The following SH2B3 variants were observed in gnomAD, a reference collection of about 807,000 sequenced individuals.
SH2B3 encodes the protein SH2B adapter protein 3.
Under a neutral mutation model 51.9 loss-of-function variants are expected in SH2B3, and 43 were observed. The ratio of observed to expected loss-of-function variants is 0.83; its 90% CI spans 0.65 to 1.07. The LOEUF (loss-of-function observed/expected upper bound fraction) is 1.07. Among genes scored for constraint, SH2B3 ranks in the 50% least tolerant of loss-of-function variants. SH2B3 has a pLI of 0.00. For synonymous variants in SH2B3, 396 were observed against 376.0 expected (o/e 1.05, Z -0.62); for missense variants, 952 against 834.3 (o/e 1.14, Z -1.74).
At chr12:111,405,908 G>T (rs868119397), upstream of SH2B3, 8 of 151,902 alleles carry the variant, frequency 5.3e-5, no homozygotes, top group African/African-American at 1.9e-4. This position sits in a 1 kb window ranked among gnomAD's most constrained non-coding sequence, Gnocchi z 5.4. Flanking sequence ...CCGCTCGCAC[G>T]GCCGGTTCCT....
intron 2 of SH2B3, among the ~76,000 whole-genome samples, chr12:111,423,692 A>C (rs1441441259): frequency 1.3e-5 from 2 of 152,178 alleles, no homozygotes; most frequent in Non-Finnish European, 2.9e-5. Flanking sequence ...TTTGAAAAAC[A>C]ACCTCAGTGG....
Position 111,410,551 on chromosome 12 carries a change from G to A in SH2B3, c.-28+4274G>A, listed in dbSNP as rs1870618154. Among the ~76,000 whole-genome samples the A allele has an allele frequency of 6.6e-6, 1 of 152,194 alleles. No individual in the cohort carries two copies. Among genetic ancestry groups the A allele is most frequent in the African/African-American group, 2.4e-5 (1 of 41,450 alleles). On this transcript the variant is annotated intron_variant, in intron 1 of 7. Transcript: ENST00000341259. The surrounding 1 kb of genome is among the most constrained non-coding windows in gnomAD (Gnocchi z 4.9). ...TCCCTACCTCCTGAAACCTAGCTGGGGCGGTGGCTGGGATGTCAGGCTGGC... is the reference window on the plus strand; with the variant it reads ...TCCCTACCTCCTGAAACCTAGCTGGAGCGGTGGCTGGGATGTCAGGCTGGC...
rs1593060279 is a variant in SH2B3 at position 111,434,912 on chromosome 12, C to G, written c.733-11841C>G. ...GGAGCTCAGAAGGACATGGGATTCC[C>G]GGTGCTGTGCCGTGGCTGGAGGAGG... is the stretch of plus-strand genomic sequence containing the variant. On this transcript the variant is annotated intron_variant, in intron 2 of 7. Coordinates refer to ENST00000341259, the MANE Select transcript of SH2B3 (RefSeq NM_005475.3). The G allele has an allele frequency of 2.0e-6, 3 of 1,535,610 alleles. No homozygotes were observed. The East Asian group carries it at 7.3e-5, about 38-fold the overall frequency.
In SH2B3 at chr12:111,438,213, TTGGGGGTGCTGGGGC is replaced by T. The variant is rs1486852330; in HGVS notation, c.733-8531_733-8517del. 1.3e-5 allele frequency among the ~76,000 whole-genome samples: 2 copies of T among 151,600 alleles called. No homozygotes were observed. The highest frequency in any genetic ancestry group is 2.4e-5 in the African/African-American group (1 of 41,212). ...AAGGCGGCTGGAGGGAGACCAGGTG[TTGGGGGTGCTGGGGC>T]TGGGGGTGGGCAGATGAGGATTGGA... On this transcript the variant is annotated intron_variant, in intron 2 of 7. Transcript: ENST00000341259. The surrounding 1 kb of genome is among the most constrained non-coding windows in gnomAD (Gnocchi z 4.2).
At chr12:111,425,485 G>A (rs1051767745) in intron 2 of SH2B3, among the ~76,000 whole-genome samples, 4 of 152,116 alleles carry the variant, frequency 2.6e-5, no homozygotes, top group Non-Finnish European at 1.5e-5. Flanking sequence ...AGGTTCACAA[G>A]CCCTGCAGTG....
chr12:111,422,353 C>T (rs1007583016), intron 2 of SH2B3, among the ~76,000 whole-genome samples: 3 of 152,130 alleles, frequency 2.0e-5, no homozygotes, highest in Non-Finnish European at 2.9e-5. Context: ...CTTTACTTTG[C>T]GTTTCCCTGA....
At position 111,418,759 on chromosome 12, in the gene SH2B3, T is replaced by G; in HGVS notation, c.614T>G (p.Leu205Arg). The change falls in exon 2 of 8, where the codon CTG becomes CGG. Residue 205 changes from leucine to arginine, a missense_variant. Coordinates refer to ENST00000341259, the MANE Select transcript of SH2B3 (RefSeq NM_005475.3). The surrounding 1 kb of genome is among the most constrained non-coding windows in gnomAD (Gnocchi z 6.7). ...ALKEAVLRYS[L>R]ADEASMDSGA... ...AAGGAGGCGGTGCTGCGCTACAGCC[T>G]GGCCGACGAGGCCTCCATGGACAGC... The G allele has an allele frequency of 6.8e-7, 1 of 1,480,262 alleles. No individual in the cohort carries two copies. Among genetic ancestry groups the G allele is most frequent in the South Asian group, 1.3e-5 (1 of 78,894 alleles). The allele number at this position is 1,480,262 out of a possible 1,614,324, so 91.7% of individuals were successfully genotyped here. A position where few individuals can be genotyped will look rare whatever the true frequency, so the allele number is the denominator to read the frequency against.
In SH2B3 at chr12:111,418,304, G is replaced by A. The variant is rs747204098; in HGVS notation, c.159G>A (p.Pro53=). Reference sequence around the variant, plus strand: ...ACTGGCTGTTCGCCCGGGAGCATCCGCAGCACGCGCCGCTGCGCGCCGAGC... The same window carrying A: ...ACTGGCTGTTCGCCCGGGAGCATCCACAGCACGCGCCGCTGCGCGCCGAGC... ...RQYWLFAREH[P]QHAPLRAELV... is the part of the protein sequence containing the mutation. The change falls in exon 2 of 8, where the codon CCG becomes CCA. Residue 53 remains proline (P), a synonymous_variant. Coordinates refer to ENST00000341259, the MANE Select transcript of SH2B3 (RefSeq NM_005475.3). The surrounding 1 kb of genome is among the most constrained non-coding windows in gnomAD (Gnocchi z 6.7). The A allele has an allele frequency of 6.5e-7, 1 of 1,531,800 alleles. No homozygotes were observed. Among genetic ancestry groups the A allele is most frequent in the African/African-American group, 1.4e-5 (1 of 72,042 alleles). 94.9% of individuals were successfully genotyped at this position (1,531,800 alleles called of 1,614,324 possible).
intron 2 of SH2B3, among the ~76,000 whole-genome samples, chr12:111,427,776 G>A (rs1872134858): frequency 6.6e-6 from 1 of 152,258 alleles, no homozygotes; most frequent in East Asian, 1.9e-4. Flanking sequence ...TGGAGTTCTA[G>A]CTGTTGATAA....
chr12:111,420,116 C>T (rs945434760), intron 2 of SH2B3, among the ~76,000 whole-genome samples: 2 of 152,150 alleles, frequency 1.3e-5, no homozygotes, highest in African/African-American at 4.8e-5. Flanking sequence ...GGGCTCAAAA[C>T]CTTCAGAGAA....
chr12:111,417,027 T>C (rs1448985109), intron 1 of SH2B3, among the ~76,000 whole-genome samples: 2 of 152,148 alleles, frequency 1.3e-5, no homozygotes, highest in Non-Finnish European at 2.9e-5. Flanking sequence ...TTTATGTATG[T>C]TCATGTAAAT....
chr12:111,440,109 ACCCAGGT>A (rs1360933650), intron 2 of SH2B3, among the ~76,000 whole-genome samples: 2 of 152,236 alleles, frequency 1.3e-5, no homozygotes, highest in African/African-American at 4.8e-5. Flanking sequence ...TTTCAGATCC[ACCCAGGT>A]CCCATGTTAA....
rs141274399 is a variant in SH2B3 at position 111,447,907 on chromosome 12, C to G, written c.1409-76C>G. ...GAGGCTTGCTGCAGACCCAGGGGTA[C>G]AGGTATCTTGTTCTGTGTCCTGTCA... is the stretch of plus-strand genomic sequence containing the variant. On this transcript the variant is annotated intron_variant, in intron 7 of 7. Transcript: ENST00000341259. The G allele has an allele frequency of 3.2e-6, 5 of 1,554,510 alleles. No individual in the cohort carries two copies. In the Admixed American group the frequency reaches 5.1e-5, roughly 16 times the overall value.
In SH2B3 at chr12:111,428,832, C is replaced by T. The variant is rs116252327; in HGVS notation, c.732+9955C>T. On this transcript the variant is annotated intron_variant, in intron 2 of 7. Transcript: ENST00000341259. ...CCGTGATTCTTCCAGGTGGCACCGC[C>T]CTCACACCTCCTTTACAGAGGAGGA... Among the ~76,000 whole-genome samples the T allele has an allele frequency of 4.7e-3, 718 of 152,196 alleles. 7 individuals carry two copies. The highest frequency in any genetic ancestry group is 0.016 in the African/African-American group (659 of 41,532).
At chr12:111,405,785 C>T (rs1870191618), upstream of SH2B3, among the ~76,000 whole-genome samples, 2 of 152,022 alleles carry the variant, frequency 1.3e-5, no homozygotes, top group Admixed American at 1.3e-4. The surrounding 1 kb of genome is among the most constrained non-coding windows in gnomAD (Gnocchi z 5.4). Context: ...GGGCTCCGCC[C>T]TCATGGCCCG....
Position 111,418,635 on chromosome 12 carries a change from G to T in SH2B3, c.490G>T (p.Gly164Trp). 1 of 1,473,024 alleles carries T rather than the reference G, an allele frequency of 6.8e-7. No individual in the cohort carries two copies. Among genetic ancestry groups the T allele is most frequent in the Non-Finnish European group, 8.9e-7 (1 of 1,121,610 alleles). The allele number at this position is 1,473,024 out of a possible 1,614,324, so 91.2% of individuals were successfully genotyped here. The stretch of plus-strand genomic sequence containing the variant: ...AGCGGCCCACACCGCTGCCGCCCCC[G>T]GGACCCCCGGAGAGGCTGCTGAGAC... Reference protein sequence around the residue: ...LPAAHTAAAPGTPGEAAETPA... With the variant: ...LPAAHTAAAPWTPGEAAETPA... Residue 164 changes from glycine (G) to tryptophan (W), a missense_variant, in exon 2 of 8, where the codon GGG becomes TGG. Coordinates refer to ENST00000341259, the MANE Select transcript of SH2B3 (RefSeq NM_005475.3). This position sits in a 1 kb window ranked among gnomAD's most constrained non-coding sequence, Gnocchi z 6.7.
Position 111,410,278 on chromosome 12 carries a change from AAGG to A in SH2B3, c.-28+4007_-28+4009del, listed in dbSNP as rs1198252228. Among the ~76,000 whole-genome samples the A allele has an allele frequency of 6.6e-6, 1 of 152,088 alleles. No individual in the cohort carries two copies. Among genetic ancestry groups the A allele is most frequent in the Non-Finnish European group, 1.5e-5 (1 of 67,996 alleles). ...AGAGCTCACACACTGGTGTCATCTC[AAGG>A]AGGAGAGGCCCAGAGAGGGCAGTGT... On this transcript the variant is annotated intron_variant, in intron 1 of 7. Transcript: ENST00000341259. This position sits in a 1 kb window ranked among gnomAD's most constrained non-coding sequence, Gnocchi z 4.9.
chr12:111,439,458 G>A (rs1302975449), intron 2 of SH2B3, among the ~76,000 whole-genome samples: 1 of 151,792 alleles, frequency 6.6e-6, no homozygotes, highest in Non-Finnish European at 1.5e-5. Context: ...CCTAATTTTT[G>A]TATTTTTAAT....
chr12:111,412,537 T>TC (rs1408008612), intron 1 of SH2B3, among the ~76,000 whole-genome samples: 3 of 152,194 alleles, frequency 2.0e-5, no homozygotes, highest in Non-Finnish European at 4.4e-5. Context: ...AGCAGCCACT[T>TC]ATGAGCCCCA....
Sources: gnomAD v4.1 joint callset for allele counts (sites outside exome capture counted in the v4.1 genomes callset) on GRCh38, gnomAD v4.1.1 for gene constraint, Gnocchi (gnomAD v3.1) non-coding constraint, MANE v1.5 for transcripts, NCBI Gene and HGNC (gene_info 2026-07-23, HGNC 2026-07-21) for gene names.